FAAH2: variants seen among roughly 807,000 people sequenced by gnomAD.
FAAH2 encodes the protein fatty acid amide hydrolase 2.
Under a neutral mutation model 36.9 loss-of-function variants are expected in FAAH2, and 60 were observed. That is an observed-to-expected ratio of 1.63 (90% CI 1.32 to 2.02). The LOEUF is 2.02. Ranked by LOEUF, FAAH2 falls within the 30% of genes most tolerant of loss-of-function variation. The pLI, the probability that FAAH2 is intolerant of heterozygous loss-of-function variation, is 0.00. For synonymous variants in FAAH2, 214 were observed against 143.8 expected, an observed-to-expected ratio of 1.49 and a Z score of -3.49; for missense variants, 689 against 397.5, an observed-to-expected ratio of 1.73 and a Z score of -6.23.
At chrX:57,441,063 C>T (rs2056541947) in intron 8 of FAAH2, among the ~76,000 whole-genome samples, 1 of 110,992 alleles carries the variant, frequency 9.0e-6, no homozygotes, top group East Asian at 2.8e-4. Flanking sequence ...CTAAAATTCT[C>T]TTTTTTTGTT....
At chrX:57,213,774 G>T in the FAAH2 span, among the ~76,000 whole-genome samples, 2 of 111,466 alleles carry the variant, frequency 1.8e-5, no homozygotes, top group Non-Finnish European at 3.8e-5. Context: ...AATGTCCCAC[G>T]TGCTGGTAAT....
chrX:57,211,483 C>A, the FAAH2 span, among the ~76,000 whole-genome samples: 1 of 111,733 alleles, frequency 8.9e-6, no homozygotes, highest in East Asian at 2.8e-4. Flanking sequence ...AACCAGGACC[C>A]CTGGGAGTTT....
At chrX:57,288,040 G>T (rs2051859654) in intron 1 of FAAH2, among the ~76,000 whole-genome samples, 2 of 111,007 alleles carry the variant, frequency 1.8e-5, no homozygotes, top group African/African-American at 6.6e-5. Flanking sequence ...GTATTCGGTT[G>T]GTGCAAAAGT....
chrX:57,290,310 A>G (rs1303712316), intron 1 of FAAH2: 5 of 745,423 alleles, frequency 6.7e-6, no homozygotes, highest in Non-Finnish European at 6.3e-6. Flanking sequence ...GGTACTAGAC[A>G]TCAGCTTGAC....
the FAAH2 span, chrX:57,135,971 T>C: frequency 2.5e-6 from 3 of 1,209,592 alleles, no homozygotes; most frequent in Non-Finnish European, 3.4e-6. Context: ...GCTTACCTAT[T>C]AGGCCATCTA....
the FAAH2 span, among the ~76,000 whole-genome samples, chrX:57,206,750 CAT>C: frequency 8.9e-6 from 1 of 112,228 alleles, no homozygotes; most frequent in Non-Finnish European, 1.9e-5. Context: ...TTCTTGGAAT[CAT>C]AGCAGGAGAA....
Position 57,447,817 on chromosome X carries a change from A to C in FAAH2, c.1229-707A>C, listed in dbSNP as rs1024531651. ...CTTAGGCCTCTGAACCTGTGATGGA[A>C]GGGCTGCCACAAAGGACTCTGAAAT... On this transcript the variant is annotated intron_variant, in intron 9 of 10. Coordinates refer to ENST00000374900, the MANE Select transcript of FAAH2 (RefSeq NM_174912.4). 3.6e-5 allele frequency among the ~76,000 whole-genome samples: 4 copies of C among 111,956 alleles called. No homozygotes were observed. The Admixed American group carries it at 3.8e-4, about 11-fold the overall frequency.
At chrX:57,370,424 A>T (rs1465385760) in intron 5 of FAAH2, among the ~76,000 whole-genome samples, 6 of 111,705 alleles carry the variant, frequency 5.4e-5, no homozygotes, top group Non-Finnish European at 1.1e-4. Flanking sequence ...GCAAAAGGAT[A>T]TAACAATTGT....
chrX:57,278,214 A>C, the FAAH2 span, among the ~76,000 whole-genome samples: 1 of 111,775 alleles, frequency 8.9e-6, no homozygotes, highest in Non-Finnish European at 1.9e-5. Flanking sequence ...GGTACTGGTA[A>C]CAAAGAAGAT....
intron 7 of FAAH2, 76 bp downstream of exon 7, chrX:57,381,105 C>T (rs898425067): frequency 3.1e-5 from 22 of 716,771 alleles, no homozygotes; most frequent in Non-Finnish European, 1.7e-5. Context: ...ACTTCACTTA[C>T]TGCCAAATAT....
intron 2 of FAAH2, among the ~76,000 whole-genome samples, chrX:57,294,612 G>A (rs1053962350): frequency 4.5e-5 from 5 of 110,895 alleles, no homozygotes; most frequent in Non-Finnish European, 7.6e-5. Context: ...TATTCTAATC[G>A]TACGGAACTA....
At chrX:57,327,920 T>A (rs1245634013) in intron 3 of FAAH2, among the ~76,000 whole-genome samples, 2 of 110,157 alleles carry the variant, frequency 1.8e-5, no homozygotes, top group Admixed American at 9.8e-5. Flanking sequence ...GGTGCTCTGA[T>A]TTTTAGAGTT....
the FAAH2 span, among the ~76,000 whole-genome samples, chrX:57,270,627 C>T: frequency 3.5e-4 from 39 of 111,801 alleles, no homozygotes; most frequent in Middle Eastern, 9.1e-3. Context: ...TTCCAACTGA[C>T]GTACCCGGTT....
intron 1 of FAAH2, among the ~76,000 whole-genome samples, chrX:57,289,275 ACAGT>A (rs1275377690): frequency 9.0e-6 from 1 of 110,983 alleles, no homozygotes; most frequent in Non-Finnish European, 1.9e-5. Context: ...CTCTGATTGA[ACAGT>A]CAGTTTCCTG....
upstream of FAAH2, among the ~76,000 whole-genome samples, chrX:57,283,218 G>A (rs1379657463): frequency 1.8e-5 from 2 of 111,609 alleles, no homozygotes; most frequent in East Asian, 2.8e-4. Flanking sequence ...CAGTCTGAGG[G>A]CAGCAAGGGC....
intron 5 of FAAH2, among the ~76,000 whole-genome samples, chrX:57,364,527 G>C (rs2054365902): frequency 1.1e-5 from 1 of 93,950 alleles, no homozygotes; most frequent in African/African-American, 4.0e-5. Flanking sequence ...TGATTTTGTT[G>C]ATCTTTTGTA....
At chrX:57,435,077 A>G (rs1301879475) in intron 8 of FAAH2, among the ~76,000 whole-genome samples, 1 of 112,192 alleles carries the variant, frequency 8.9e-6, no homozygotes, top group Non-Finnish European at 1.9e-5. Flanking sequence ...GCAATTGCTG[A>G]GGGAATTTAT....
At chrX:57,259,569 C>T in the FAAH2 span, among the ~76,000 whole-genome samples, 2 of 111,830 alleles carry the variant, frequency 1.8e-5, no homozygotes, top group South Asian at 3.7e-4. Context: ...TATGTGAAAT[C>T]TTAAGAACCT....
At chrX:57,192,811 G>A in the FAAH2 span, among the ~76,000 whole-genome samples, 2 of 111,886 alleles carry the variant, frequency 1.8e-5, no homozygotes, top group Non-Finnish European at 3.8e-5. Context: ...GATAAATTGT[G>A]AAGATTTCAT....
Sources: gnomAD v4.1 joint callset for allele counts (sites outside exome capture counted in the v4.1 genomes callset) on GRCh38, gnomAD v4.1.1 for gene constraint, MANE v1.5 for transcripts, NCBI Gene and HGNC (gene_info 2026-07-23, HGNC 2026-07-21) for gene names.